The following MKRN2 variants were observed in gnomAD, a reference collection of about 807,000 sequenced individuals.
MKRN2 encodes E3 ubiquitin-protein ligase makorin-2.
In MKRN2, 32 loss-of-function variants were observed where a neutral mutation model predicts 45.4. The observed-to-expected ratio is 0.70, with a 90% CI of 0.53 to 0.95. The LOEUF (loss-of-function observed/expected upper bound fraction) is 0.95, where lower values mean the gene tolerates loss of function less well. MKRN2 is among the 40% of genes least tolerant of loss of function. The probability of loss-of-function intolerance (pLI) is 0.00; values close to 1 mark genes in which losing one functional copy is unlikely to be tolerated. For synonymous variants in MKRN2, 206 were observed against 192.4 expected, an observed-to-expected ratio of 1.07 and a Z score of -0.59; for missense variants, 526 against 536.7, an observed-to-expected ratio of 0.98 and a Z score of 0.20.
chr3:12,575,633 G>T (rs2058129798), intron 5 of MKRN2, among the ~76,000 whole-genome samples: 3 of 152,200 alleles, frequency 2.0e-5, no homozygotes, highest in South Asian at 4.2e-4. Context: ...GGGGTGCGGG[G>T]GTCAAGTAAT....
chr3:12,575,764 G>A (rs2058130880), intron 5 of MKRN2, among the ~76,000 whole-genome samples: 1 of 152,138 alleles, frequency 6.6e-6, no homozygotes, highest in African/African-American at 2.4e-5. Context: ...CTTATAAATG[G>A]AATCATAGAA....
intron 4 of MKRN2, 56 bp downstream of exon 4, chr3:12,572,429 C>A: frequency 6.8e-7 from 1 of 1,477,038 alleles, no homozygotes; most frequent in Non-Finnish European, 9.1e-7. Flanking sequence ...ATGTACTGAA[C>A]AGGACACGGA....
intron 4 of MKRN2, 21 bp downstream of exon 4, chr3:12,572,394 A>G (rs1192237646): frequency 3.9e-6 from 6 of 1,531,284 alleles, no homozygotes; most frequent in South Asian, 2.6e-5. Flanking sequence ...AAACCTTTGC[A>G]TGAACTCATG....
chr3:12,560,780 A>T (rs764971455), intron 1 of MKRN2: 1 of 152,238 alleles, frequency 6.6e-6, no homozygotes, highest in African/African-American at 2.4e-5. Context: ...CCAGCTATGC[A>T]CTTCACCCAC....
At chr3:12,567,678 A>G (rs1033006152) in intron 1 of MKRN2, among the ~76,000 whole-genome samples, 1 of 151,548 alleles carries the variant, frequency 6.6e-6, no homozygotes, top group African/African-American at 2.4e-5. Context: ...TTTAGTAGAG[A>G]CGGGGTTTCT....
At position 12,583,362 on chromosome 3, in the gene MKRN2, A is replaced by C. The variant is rs1043171631; in HGVS notation, c.*1109A>C. ...TACCTACCAAATAAATAAATAGTTTATAAAATGTATTACTTAAGGTATTAG... is the reference window on the plus strand; with the variant it reads ...TACCTACCAAATAAATAAATAGTTTCTAAAATGTATTACTTAAGGTATTAG... On this transcript the variant is annotated 3_prime_UTR_variant, in exon 8 of 8. Coordinates refer to ENST00000170447, the MANE Select transcript of MKRN2 (RefSeq NM_014160.5). 1 of 165,088 alleles carries C rather than the reference A, an allele frequency of 6.1e-6. No individual in the cohort carries two copies. The highest frequency in any genetic ancestry group is 2.4e-5 in the African/African-American group (1 of 41,912). 10.2% of individuals were successfully genotyped at this position (165,088 alleles called of 1,614,324 possible).
At chr3:12,560,271 A>G (rs1043712035) in intron 1 of MKRN2, among the ~76,000 whole-genome samples, 4 of 152,124 alleles carry the variant, frequency 2.6e-5, no homozygotes, top group Non-Finnish European at 5.9e-5. Flanking sequence ...AGTGACTTAA[A>G]TAACTTGCTT....
chr3:12,580,671 C>T (rs1308951579), intron 6 of MKRN2, among the ~76,000 whole-genome samples: 1 of 152,288 alleles, frequency 6.6e-6, no homozygotes, highest in East Asian at 1.9e-4. Flanking sequence ...GTTGGCCAGG[C>T]TGGTCTCAAA....
At position 12,557,246 on chromosome 3, in the gene MKRN2, C is replaced by T. The variant is rs564005167; in HGVS notation, c.26+70C>T. On this transcript the variant is annotated intron_variant, in intron 1 of 7. Transcript: ENST00000170447. ...GCAGGGGGGCCGGTGCGCGCCAGTGCTGTGGTCCGGGAACCTGAGGCTAGA... is the reference window on the plus strand; with the variant it reads ...GCAGGGGGGCCGGTGCGCGCCAGTGTTGTGGTCCGGGAACCTGAGGCTAGA... 40 of 1,506,134 alleles carry T rather than the reference C, an allele frequency of 2.7e-5. No homozygotes were observed. In the South Asian group the frequency reaches 4.6e-4, roughly 17 times the overall value. 93.3% of individuals were successfully genotyped at this position (1,506,134 alleles called of 1,614,324 possible). A position where few individuals can be genotyped will look rare whatever the true frequency, so the allele number is the denominator to read the frequency against.
At chr3:12,579,435 A>G (rs1000684996) in intron 6 of MKRN2, among the ~76,000 whole-genome samples, 1 of 152,134 alleles carries the variant, frequency 6.6e-6, no homozygotes, top group Non-Finnish European at 1.5e-5. Context: ...CCAAAGTGCT[A>G]GGATTATAGG....
rs1424072685 is a variant in MKRN2 at position 12,583,358 on chromosome 3, G to A, written c.*1105G>A. ...GCTGTACCTACCAAATAAATAAATAGTTTATAAAATGTATTACTTAAGGTA... is the reference window on the plus strand; with the variant it reads ...GCTGTACCTACCAAATAAATAAATAATTTATAAAATGTATTACTTAAGGTA... On this transcript the variant is annotated 3_prime_UTR_variant, in exon 8 of 8. Coordinates refer to ENST00000170447, the MANE Select transcript of MKRN2 (RefSeq NM_014160.5). 1 of 163,882 alleles carries A rather than the reference G, an allele frequency of 6.1e-6. No individual in the cohort carries two copies. Among genetic ancestry groups the A allele is most frequent in the Non-Finnish European group, 1.3e-5 (1 of 75,046 alleles). 10.2% of individuals were successfully genotyped at this position (163,882 alleles called of 1,614,324 possible).
At chr3:12,577,926 C>T (rs1296440972) in intron 6 of MKRN2, among the ~76,000 whole-genome samples, 1 of 152,190 alleles carries the variant, frequency 6.6e-6, no homozygotes, top group South Asian at 2.1e-4. Flanking sequence ...ATCCGCCCAC[C>T]TCGGCCTCCC....
rs765707271 is a variant in MKRN2, at chr3:12,574,773, CT to C, written c.643-17del. On this transcript the variant is annotated intron_variant, in intron 4 of 7. Transcript: ENST00000170447. ...TCAGTGGCCCACAACCAAAGCCTTCCTTCCTGTCTGTGCTTCAGATCTGCAT... is the reference window on the plus strand; with the variant it reads ...TCAGTGGCCCACAACCAAAGCCTTCCTCCTGTCTGTGCTTCAGATCTGCAT... The C allele has an allele frequency of 4.4e-5, 71 of 1,606,858 alleles. No homozygotes were observed. Among genetic ancestry groups the C allele is most frequent in the Non-Finnish European group, 8.5e-6 (10 of 1,175,114 alleles).
rs1553608766 is a variant in MKRN2, at chr3:12,576,938, T to TGTTTTTTTTTTTG, written c.968+197_968+198insGTTTTTTTTTTTG. 6.5e-4 allele frequency: 148 copies of TGTTTTTTTTTTTG among 226,980 alleles called. 4 individuals are homozygous for TGTTTTTTTTTTTG. The highest frequency in any genetic ancestry group is 3.7e-3 in the African/African-American group (108 of 28,900). The allele number at this position is 226,980 out of a possible 1,614,324, so 14.1% of individuals were successfully genotyped here. ...TGGACCTGTTTAGTTTTGGTGTTTT[T>TGTTTTTTTTTTTG]TTTTTTTTTTTTTTTTTTTCGGTGA... is the stretch of plus-strand genomic sequence containing the variant. On this transcript the variant is annotated intron_variant, in intron 6 of 7. Transcript: ENST00000170447.
At chr3:12,565,836 G>A (rs1314051695) in intron 1 of MKRN2, among the ~76,000 whole-genome samples, 1 of 150,786 alleles carries the variant, frequency 6.6e-6, no homozygotes, top group Non-Finnish European at 1.5e-5. Context: ...CACTGCATGC[G>A]GCCTATGTGT....
At chr3:12,571,428 G>T (rs1319581300) in intron 3 of MKRN2, among the ~76,000 whole-genome samples, 1 of 152,156 alleles carries the variant, frequency 6.6e-6, no homozygotes. Flanking sequence ...GTTTTTATTG[G>T]CTGGTCCTCA....
rs1399736875 is a variant in MKRN2, at chr3:12,581,942, G to T, written c.1103G>T (p.Gly368Val). 1 of 1,614,052 alleles carries T rather than the reference G, an allele frequency of 6.2e-7. No individual in the cohort carries two copies. Among genetic ancestry groups the T allele is most frequent in the African/African-American group, 1.3e-5 (1 of 75,046 alleles). Residue 368 changes from glycine (G) to valine (V), a missense_variant, in exon 7 of 8, where the codon GGC becomes GTC. Transcript: ENST00000170447. ...EKPRKQLSSQ[G>V]TVRFFNSVRL... is the part of the protein sequence containing the mutation. The stretch of plus-strand genomic sequence containing the variant: ...CCTCGGAAACAGCTCAGTTCTCAAG[G>T]CACTGTGAGGGTAAGGACTTTAGCC...
In MKRN2 at chr3:12,583,687, AAATT is replaced by A; in HGVS notation, c.*1437_*1440del. ...TATTTTGTCAGGTGCAATAAAAACA[AAATT>A]AAAACCCAAATCATCAAGAAAACCT... On this transcript the variant is annotated 3_prime_UTR_variant, in exon 8 of 8. Coordinates refer to ENST00000170447, the MANE Select transcript of MKRN2 (RefSeq NM_014160.5). 8.6e-6 allele frequency: 2 copies of A among 233,458 alleles called. No individual in the cohort carries two copies. Among genetic ancestry groups the A allele is most frequent in the Non-Finnish European group, 1.7e-5 (2 of 118,040 alleles). The allele number at this position is 233,458 out of a possible 1,614,324, so 14.5% of individuals were successfully genotyped here.
rs367742876 is a variant in MKRN2 at position 12,566,600 on chromosome 3, T to C, written c.27-2275T>C. ...TTTCACTTCTAGAAGTTTCATTTGT[T>C]TTTTGTTTTGTTTTGTTTTGAGGTG... On this transcript the variant is annotated intron_variant, in intron 1 of 7. Transcript: ENST00000170447. Among the ~76,000 whole-genome samples, 15 of 152,246 alleles carry C rather than the reference T, an allele frequency of 9.9e-5. 1 individual carries two copies. Among genetic ancestry groups the C allele is most frequent in the Admixed American group, 7.2e-4 (11 of 15,290 alleles).
Sources: gnomAD v4.1 joint callset for allele counts (sites outside exome capture counted in the v4.1 genomes callset) on GRCh38, gnomAD v4.1.1 for gene constraint, MANE v1.5 for transcripts, NCBI Gene and HGNC (gene_info 2026-07-23, HGNC 2026-07-21) for gene names.